The following PARG variants were observed in gnomAD, a reference collection of about 807,000 sequenced individuals.
PARG encodes mitochondrial poly(ADP-ribose) glycohydrolase.
A neutral mutation model predicts 113.0 loss-of-function variants in PARG; 35 were observed. The observed-to-expected ratio is 0.31, with a 90% CI of 0.24 to 0.41. The LOEUF (loss-of-function observed/expected upper bound fraction) is 0.41, where lower values mean the gene tolerates loss of function less well. PARG is among the 10% of genes least tolerant of loss of function. The pLI is 1.00. For missense variants in PARG, 797 were observed against 1,169.4 expected (o/e 0.68, Z 4.64); for synonymous variants, 330 against 409.9 (o/e 0.81, Z 2.36).
chr10:49,891,612 TA>T (rs1564635912), intron 7 of PARG, among the ~76,000 whole-genome samples: 46 of 54,222 alleles, frequency 8.5e-4, no homozygotes, highest in Admixed American at 1.5e-3. Flanking sequence ...TATATATATA[TA>T]TATATATATA....
At chr10:49,837,354 T>C (rs892835415) in intron 15 of PARG, among the ~76,000 whole-genome samples, 1 of 142,724 alleles carries the variant, frequency 7.0e-6, no homozygotes, top group African/African-American at 2.6e-5. Context: ...AAAATGTGGG[T>C]TTTTTTTTTT....
At chr10:49,832,960 G>C in intron 15 of PARG, 52 bp from the exon 16 acceptor site, 1 of 896,858 alleles carries the variant, frequency 1.1e-6, no homozygotes, top group Non-Finnish European at 1.7e-6. Flanking sequence ...CACTAACAGT[G>C]TTTCTGACTG....
chr10:49,914,742 T>C (rs533249198), intron 7 of PARG, among the ~76,000 whole-genome samples: 8 of 152,316 alleles, frequency 5.3e-5, no homozygotes, highest in South Asian at 4.1e-4. Flanking sequence ...GGCACAAGGA[T>C]AGACATATAG....
intron 13 of PARG, 76 bp from the exon 14 acceptor site, chr10:49,843,708 A>G (rs1845358924): frequency 4.0e-6 from 4 of 992,688 alleles, no homozygotes; most frequent in Non-Finnish European, 6.3e-6. Flanking sequence ...CATGGCAAGA[A>G]TAACTTCTGT....
chr10:49,917,001 T>C (rs2132853419), intron 6 of PARG, among the ~76,000 whole-genome samples: 1 of 152,168 alleles, frequency 6.6e-6, no homozygotes, highest in Non-Finnish European at 1.5e-5. Flanking sequence ...ATACTAAGTA[T>C]CTAGGTTAAA....
intron 6 of PARG, among the ~76,000 whole-genome samples, chr10:49,916,471 G>A (rs1223929831): frequency 3.3e-5 from 5 of 150,034 alleles, no homozygotes; most frequent in African/African-American, 1.0e-4. Context: ...ATGGGGATGA[G>A]GAGATTAGAA....
chr10:49,838,648 T>C (rs185704151), intron 15 of PARG, among the ~76,000 whole-genome samples: 1 of 152,202 alleles, frequency 6.6e-6, no homozygotes, highest in East Asian at 1.9e-4. Context: ...AAGCACTAAG[T>C]AGAATGCCTC....
intron 16 of PARG, among the ~76,000 whole-genome samples, chr10:49,832,098 A>G (rs1476309917): frequency 6.6e-6 from 1 of 152,260 alleles, no homozygotes; most frequent in Non-Finnish European, 1.5e-5. Flanking sequence ...ATTATTTTCT[A>G]TAACTGATAC....
intron 15 of PARG, among the ~76,000 whole-genome samples, chr10:49,841,310 A>C (rs1845226127): frequency 6.6e-6 from 1 of 152,204 alleles, no homozygotes. Flanking sequence ...TAATTCGAGG[A>C]ACTAAAAAGA....
chr10:49,939,754 T>C lies in PARG; in HGVS notation c.217+1755A>G, dbSNP rs1160583251. On this transcript the variant is annotated intron_variant, in intron 1 of 17. Coordinates refer to ENST00000616448, the MANE Select transcript of PARG (RefSeq NM_003631.5). ...GCATGTCTTATTTCCTCTGCATGTATAATTCTTTCTCCTCTTGATTTATAC... is the reference window on the plus strand; with the variant it reads ...GCATGTCTTATTTCCTCTGCATGTACAATTCTTTCTCCTCTTGATTTATAC... 2.0e-5 allele frequency among the ~76,000 whole-genome samples: 3 copies of C among 152,242 alleles called. No homozygotes were observed. The East Asian group carries it at 5.8e-4, about 29-fold the overall frequency.
At chr10:49,828,106 A>AC (rs1844459669) in intron 16 of PARG, among the ~76,000 whole-genome samples, 2 of 147,280 alleles carry the variant, frequency 1.4e-5, no homozygotes, top group Non-Finnish European at 3.0e-5. Flanking sequence ...AAAAAAAAAA[A>AC]AAAAAAAAAA....
At chr10:49,825,166 C>A (rs1554829229) in intron 16 of PARG, among the ~76,000 whole-genome samples, 2 of 152,128 alleles carry the variant, frequency 1.3e-5, no homozygotes, top group African/African-American at 4.8e-5. Context: ...CAGCACTCTT[C>A]GAGGCCAACT....
At chr10:49,928,641 A>T (rs1405546838) in intron 4 of PARG, among the ~76,000 whole-genome samples, 2 of 152,182 alleles carry the variant, frequency 1.3e-5, no homozygotes, top group Admixed American at 1.3e-4. Flanking sequence ...AGTAGCTAGG[A>T]CTACAGGCAT....
chr10:49,909,071 A>G (rs2132800931), intron 7 of PARG, among the ~76,000 whole-genome samples: 1 of 152,278 alleles, frequency 6.6e-6, no homozygotes, highest in South Asian at 2.1e-4. Flanking sequence ...TATTTGATAC[A>G]GTTAAAATTA....
chr10:49,902,658 T>C (rs1317399687), intron 7 of PARG, among the ~76,000 whole-genome samples: 1 of 152,076 alleles, frequency 6.6e-6, no homozygotes, highest in African/African-American at 2.4e-5. Flanking sequence ...GTGTCTGTCC[T>C]CTAGAAACTT....
intron 7 of PARG, among the ~76,000 whole-genome samples, chr10:49,908,032 A>G (rs1335857645): frequency 6.6e-6 from 1 of 152,190 alleles, no homozygotes; most frequent in Non-Finnish European, 1.5e-5. Flanking sequence ...TTCACTTTTC[A>G]GTATCTATAA....
chr10:49,831,711 G>C (rs974934509), intron 16 of PARG, among the ~76,000 whole-genome samples: 2 of 152,200 alleles, frequency 1.3e-5, no homozygotes, highest in African/African-American at 4.8e-5. Context: ...ACACTAAGGG[G>C]AAGGGTTGTA....
chr10:49,856,907 G>A (rs1472134850), intron 13 of PARG, among the ~76,000 whole-genome samples: 1 of 151,052 alleles, frequency 6.6e-6, no homozygotes, highest in Non-Finnish European at 1.5e-5. Context: ...TACTCGGGAG[G>A]CTGAGGCAGG....
chr10:49,862,844 CT>C (rs35198240), intron 11 of PARG, among the ~76,000 whole-genome samples: 1 of 151,524 alleles, frequency 6.6e-6, no homozygotes, highest in Non-Finnish European at 1.5e-5. Flanking sequence ...TTTTAACTTC[CT>C]TTTTTTGGTC....
Sources: allele counts gnomAD v4.1 joint callset (sites outside exome capture counted in the v4.1 genomes callset), GRCh38; gene constraint gnomAD v4.1.1; transcripts MANE v1.5; gene names NCBI Gene and HGNC (gene_info 2026-07-23, HGNC 2026-07-21).